The following PDCD5 variants were observed in gnomAD, a reference collection of about 807,000 sequenced individuals.
The protein encoded by PDCD5 is programmed cell death protein 5.
A neutral mutation model predicts 21.9 loss-of-function variants in PDCD5; 23 were observed. The observed-to-expected ratio is 1.05, with a 90% CI of 0.76 to 1.49. The LOEUF (loss-of-function observed/expected upper bound fraction) is 1.49, where lower values mean the gene tolerates loss of function less well. PDCD5 is among the 40% of genes most tolerant of loss of function. PDCD5 has a pLI of 0.00. For missense variants in PDCD5, 152 were observed against 147.7 expected (o/e 1.03, Z -0.15); for synonymous variants, 45 against 49.4 (o/e 0.91, Z 0.37).
At chr19:32,581,684 C>G (rs909594764) in intron 1 of PDCD5, 1 of 220,888 alleles carries the variant, frequency 4.5e-6, no homozygotes, top group African/African-American at 2.3e-5. Context: ...TTGTTATGAC[C>G]CAAGTTTAGC....
intron 2 of PDCD5, among the ~76,000 whole-genome samples, chr19:32,582,699 TTG>T (rs1401477586): frequency 6.6e-6 from 1 of 152,224 alleles, no homozygotes; most frequent in African/African-American, 2.4e-5. Context: ...TTTTTAAAAA[TTG>T]TGGTTAAATA....
chr19:32,586,228 TAGA>T, intron 4 of PDCD5: 2 of 1,439,008 alleles, frequency 1.4e-6, no homozygotes, highest in Middle Eastern at 2.6e-4. Context: ...CCAGTGTAAG[TAGA>T]AGGTGTGTTT....
At chr19:32,584,428 T>G (rs913672760) in intron 2 of PDCD5, among the ~76,000 whole-genome samples, 1 of 152,202 alleles carries the variant, frequency 6.6e-6, no homozygotes, top group African/African-American at 2.4e-5. Flanking sequence ...GAAGTGAGGA[T>G]AGTTGCAAAG....
intron 2 of PDCD5, 134 bp downstream of exon 2, chr19:32,582,366 G>A (rs1599721499): frequency 2.8e-6 from 2 of 711,144 alleles, no homozygotes; most frequent in African/African-American, 3.6e-5. Flanking sequence ...AAAATCATCC[G>A]CAGGGTATCT....
chr19:32,581,296 A>C lies in PDCD5; in HGVS notation c.35A>C (p.Gln12Pro), dbSNP rs1184244485. The C allele has an allele frequency of 1.3e-6, 2 of 1,529,268 alleles. No homozygotes were observed. The highest frequency in any genetic ancestry group is 4.0e-5 in the Admixed American group (2 of 50,012). The allele number at this position is 1,529,268 out of a possible 1,614,324, so 94.7% of individuals were successfully genotyped here. A position where few individuals can be genotyped will look rare whatever the true frequency, so the allele number is the denominator to read the frequency against. ...ADEELEALRR[Q>P]RLAELQAKHG... ...GAGGAGCTTGAGGCGCTGAGGAGAC[A>C]GAGGCTGGCCGAGCTGCAGGCCAAA... Residue 12 changes from glutamine (Q) to proline (P), a missense_variant, in exon 1 of 6, where the codon CAG becomes CCG. Physicochemically the swap from Gln to Pro is moderately conservative, Grantham distance 76 (BLOSUM62 -1). Transcript: ENST00000590247.
intron 2 of PDCD5, among the ~76,000 whole-genome samples, chr19:32,582,990 A>G (rs752270724): frequency 6.6e-6 from 1 of 152,208 alleles, no homozygotes; most frequent in Non-Finnish European, 1.5e-5. Flanking sequence ...CGCAAATTTC[A>G]TTGATTTCTG....
intron 3 of PDCD5, among the ~76,000 whole-genome samples, 153 bp from the exon 4 acceptor site, chr19:32,585,663 T>C (rs1326827085): frequency 6.6e-6 from 1 of 152,194 alleles, no homozygotes; most frequent in Non-Finnish European, 1.5e-5. Flanking sequence ...ACTTCAGTTT[T>C]CTCATTTTTA....
intron 4 of PDCD5, chr19:32,586,559 T>C: frequency 2.6e-6 from 3 of 1,136,846 alleles, no homozygotes; most frequent in Non-Finnish European, 3.2e-6. Flanking sequence ...GTATATGTGG[T>C]TGTCACACTC....
chr19:32,585,722 A>G lies in PDCD5; in HGVS notation c.167-94A>G, dbSNP rs2145241380. On this transcript the variant is annotated intron_variant, in intron 3 of 5. Transcript: ENST00000590247. ...CCCTACACTGAGGGACAAGCTTGTGAAGTGCTTTGGAAAGGTCAATGCATA... is the reference window on the plus strand; with the variant it reads ...CCCTACACTGAGGGACAAGCTTGTGGAGTGCTTTGGAAAGGTCAATGCATA... 5.4e-6 allele frequency: 4 copies of G among 740,534 alleles called. No homozygotes were observed. In the East Asian group the frequency reaches 9.8e-5, roughly 18 times the overall value. The allele number at this position is 740,534 out of a possible 1,614,324, so 45.9% of individuals were successfully genotyped here.
Position 32,587,250 on chromosome 19 carries a change from C to A in PDCD5, c.331-3C>A. On this transcript the variant is annotated splice_region_variant and splice_polypyrimidine_tract_variant and intron_variant, in intron 5 of 5. Coordinates refer to ENST00000590247, the MANE Select transcript of PDCD5 (RefSeq NM_004708.4). ...TCTGACACTCATTTAATTTTCCTCC[C>A]AGTTCAACAGAAGAAAAGTAATGGA... 1 of 1,594,816 alleles carries A rather than the reference C, an allele frequency of 6.3e-7. No individual in the cohort carries two copies. Among genetic ancestry groups the A allele is most frequent in the Non-Finnish European group, 8.6e-7 (1 of 1,163,636 alleles).
In PDCD5 at chr19:32,585,816, T is replaced by C; in HGVS notation, c.167T>C (p.Leu56Ser). ...QVLDQSARAR[L>S]SNLALVKPEK... ...TTGCATATGTATTTTTTCTTTTTAGTAAGTAACTTAGCACTTGTAAAGCCT... is the reference window on the plus strand; with the variant it reads ...TTGCATATGTATTTTTTCTTTTTAGCAAGTAACTTAGCACTTGTAAAGCCT... The change falls in exon 4 of 6, where the codon TTA (leucine) becomes TCA (serine). Residue 56 changes from leucine to serine, a missense_variant and splice_region_variant. By Grantham distance (145) the Leu-to-Ser change is moderately radical. Coordinates refer to ENST00000590247, the MANE Select transcript of PDCD5 (RefSeq NM_004708.4). The C allele has an allele frequency of 6.4e-7, 1 of 1,558,196 alleles. No homozygotes were observed. Among genetic ancestry groups the C allele is most frequent in the East Asian group, 2.2e-5 (1 of 44,614 alleles).
At position 32,586,914 on chromosome 19, in the gene PDCD5, GAC is replaced by G. The variant is rs1568388615; in HGVS notation, c.317_318del (p.Thr106AsnfsTer14). ...LKKVSQQTEK[T>X]TTVKFNRRKV... is the part of the protein sequence containing the mutation. ...AAAAAGTAAGCCAACAAACAGAAAA[GAC>G]AACAACAGTGAAAGTAAGTGTCCCC... On this transcript the variant is annotated frameshift_variant, in exon 5 of 6. Coordinates refer to ENST00000590247, the MANE Select transcript of PDCD5 (RefSeq NM_004708.4). LOFTEE classifies it high-confidence loss of function. 6.2e-7 allele frequency: 1 copy of G among 1,611,788 alleles called. No homozygotes were observed.
At chr19:32,581,976 T>TC (rs1195336654) in intron 1 of PDCD5, among the ~76,000 whole-genome samples, 4 of 152,172 alleles carry the variant, frequency 2.6e-5, no homozygotes, top group Non-Finnish European at 4.4e-5. Context: ...CCCAGGGTGC[T>TC]CTGTATTCCA....
rs780309951 is a variant in PDCD5, at chr19:32,587,211, T to C, written c.331-42T>C. On this transcript the variant is annotated intron_variant, in intron 5 of 5. Coordinates refer to ENST00000590247, the MANE Select transcript of PDCD5 (RefSeq NM_004708.4). ...TTTTCTCGGAAAATCTGAGTTATGC[T>C]TTATTAGAAATGTTCTGACACTCAT... 9.2e-6 allele frequency: 13 copies of C among 1,419,250 alleles called. No homozygotes were observed. The South Asian group carries it at 9.5e-5, about 10-fold the overall frequency. The allele number at this position is 1,419,250 out of a possible 1,614,324, so 87.9% of individuals were successfully genotyped here. A position where few individuals can be genotyped will look rare whatever the true frequency, so the allele number is the denominator to read the frequency against.
At chr19:32,584,582 T>C (rs569013863) in intron 2 of PDCD5, among the ~76,000 whole-genome samples, 3 of 152,288 alleles carry the variant, frequency 2.0e-5, no homozygotes, top group Admixed American at 6.5e-5. Flanking sequence ...GAAAATGATA[T>C]AGATTAGTCA....
Position 32,586,781 on chromosome 19 carries a change from CA to C in PDCD5, c.259-74del. 3.2e-6 allele frequency: 5 copies of C among 1,541,124 alleles called. No individual in the cohort carries two copies. The South Asian group carries it at 6.4e-5, about 20-fold the overall frequency. On this transcript the variant is annotated intron_variant, in intron 4 of 5. Transcript: ENST00000590247. ...CTTTCCCCACACCTCAAAAAGAGTA[CA>C]AAGTGATTCCATCTGCAGAGGTAAA...
chr19:32,587,126 T>C, intron 5 of PDCD5, 127 bp from the exon 6 acceptor site: 1 of 837,776 alleles, frequency 1.2e-6, no homozygotes, highest in Admixed American at 2.3e-5. Flanking sequence ...ATTCCCACCC[T>C]TTTAGTTCAC....
intron 4 of PDCD5, chr19:32,586,395 G>A: frequency 1.7e-6 from 2 of 1,190,134 alleles, no homozygotes; most frequent in Non-Finnish European, 2.1e-6. Flanking sequence ...TACCCGAATT[G>A]GTCCTGTCCC....
At position 32,584,603 on chromosome 19, in the gene PDCD5, C is replaced by G. The variant is rs139035943; in HGVS notation, c.105-347C>G. 4.1e-3 allele frequency among the ~76,000 whole-genome samples: 632 copies of G among 152,300 alleles called. 3 individuals carry two copies. Among genetic ancestry groups the G allele is most frequent in the African/African-American group, 0.012 (501 of 41,562 alleles). On this transcript the variant is annotated intron_variant, in intron 2 of 5. Coordinates refer to ENST00000590247, the MANE Select transcript of PDCD5 (RefSeq NM_004708.4). ...GATATAGATTAGTCACATGGTCCTTCTAATTGCCTGAAATCCCACTATAAA... is the reference window on the plus strand; with the variant it reads ...GATATAGATTAGTCACATGGTCCTTGTAATTGCCTGAAATCCCACTATAAA...
Sources: gnomAD v4.1 joint callset for allele counts (sites outside exome capture counted in the v4.1 genomes callset) on GRCh38, gnomAD v4.1.1 for gene constraint, MANE v1.5 for transcripts, NCBI Gene and HGNC (gene_info 2026-07-23, HGNC 2026-07-21) for gene names.